The following SETD3 variants were observed in gnomAD, a reference collection of about 807,000 sequenced individuals.
SETD3 encodes actin-histidine N-methyltransferase.
SETD3 carries 19 observed loss-of-function variants against 63.0 expected under a neutral mutation model. The observed-to-expected ratio is 0.30, with a 90% CI of 0.21 to 0.44. The LOEUF (loss-of-function observed/expected upper bound fraction) is 0.44, where lower values mean the gene tolerates loss of function less well. Among genes scored for constraint, SETD3 ranks in the 20% least tolerant of loss-of-function variants. The pLI is 1.00. For missense variants in SETD3, 587 were observed against 728.5 expected (o/e 0.81, Z 2.24); for synonymous variants, 286 against 264.1 (o/e 1.08, Z -0.80).
At chr14:99,419,746 G>T (rs1428108196) in intron 6 of SETD3, among the ~76,000 whole-genome samples, 1 of 149,256 alleles carries the variant, frequency 6.7e-6, no homozygotes. Flanking sequence ...CTGCACTCCA[G>T]CCTGGGCGAC....
intron 1 of SETD3, among the ~76,000 whole-genome samples, chr14:99,471,732 T>C (rs1044416481): frequency 1.3e-5 from 2 of 152,196 alleles, no homozygotes; most frequent in Non-Finnish European, 2.9e-5. Flanking sequence ...TAAGAGAGAC[T>C]CTGAAAAACA....
chr14:99,442,142 C>T (rs1893858716), intron 6 of SETD3, among the ~76,000 whole-genome samples: 1 of 152,158 alleles, frequency 6.6e-6, no homozygotes, highest in Non-Finnish European at 1.5e-5. Flanking sequence ...TCAATCAGCC[C>T]CAACCTAGCC....
chr14:99,418,476 T>C, intron 6 of SETD3, among the ~76,000 whole-genome samples: 1 of 152,160 alleles, frequency 6.6e-6, no homozygotes, highest in Non-Finnish European at 1.5e-5. Context: ...ACTCTCACAT[T>C]TGGCCTTTTA....
rs1462238401 is a variant in SETD3 at position 99,438,402 on chromosome 14, GTAGAT to G, written c.675+19872_675+19876del. ...ACTGAAAGCTCGGATGCAAAGCATA[GTAGAT>G]TACCTGTGGTGTGTCTCTGGTTTAG... On this transcript the variant is annotated intron_variant, in intron 6 of 12. Transcript: ENST00000331768. Among the ~76,000 whole-genome samples the G allele has an allele frequency of 2.0e-4, 30 of 152,348 alleles. No individual in the cohort carries two copies. The East Asian group carries it at 5.6e-3, about 28-fold the overall frequency.
chr14:99,442,947 C>G (rs1035918766), intron 6 of SETD3, among the ~76,000 whole-genome samples: 1 of 152,144 alleles, frequency 6.6e-6, no homozygotes, highest in Non-Finnish European at 1.5e-5. Flanking sequence ...AGAACGACCA[C>G]CAACCACACA....
At chr14:99,457,663 G>A (rs1247956883) in intron 6 of SETD3, among the ~76,000 whole-genome samples, 2 of 152,202 alleles carry the variant, frequency 1.3e-5, no homozygotes, top group Non-Finnish European at 2.9e-5. Context: ...AGTCCTGGTG[G>A]GGACTGTGGT....
chr14:99,444,047 G>C (rs1487211810), intron 6 of SETD3, among the ~76,000 whole-genome samples: 1 of 152,070 alleles, frequency 6.6e-6, no homozygotes, highest in Non-Finnish European at 1.5e-5. Context: ...CTTTCTACAG[G>C]GAACCTAAGA....
At chr14:99,474,684 G>A (rs1308889460) in intron 1 of SETD3, among the ~76,000 whole-genome samples, 1 of 152,186 alleles carries the variant, frequency 6.6e-6, no homozygotes, top group Non-Finnish European at 1.5e-5. Flanking sequence ...GGCCAACACA[G>A]TGAAACCCTG....
At chr14:99,463,934 C>G (rs1895221053) in intron 2 of SETD3, among the ~76,000 whole-genome samples, 2 of 152,134 alleles carry the variant, frequency 1.3e-5, no homozygotes, top group South Asian at 4.1e-4. Context: ...AACTATCCCC[C>G]CAAAACTCTT....
At chr14:99,443,255 A>ATTTTT (rs996583091) in intron 6 of SETD3, among the ~76,000 whole-genome samples, 25 of 108,746 alleles carry the variant, frequency 2.3e-4, no homozygotes, top group Middle Eastern at 6.3e-3. Context: ...CTGAACTCCC[A>ATTTTT]TTTTTTTTTT....
At chr14:99,424,835 G>C (rs1405171938) in intron 6 of SETD3, among the ~76,000 whole-genome samples, 1 of 152,172 alleles carries the variant, frequency 6.6e-6, no homozygotes, top group Non-Finnish European at 1.5e-5. Flanking sequence ...CCAGGGAAGT[G>C]AGAGAGAAGC....
At chr14:99,472,258 A>G (rs991920353) in intron 1 of SETD3, among the ~76,000 whole-genome samples, 1 of 152,260 alleles carries the variant, frequency 6.6e-6, no homozygotes, top group African/African-American at 2.4e-5. Flanking sequence ...AGGGCAAGAA[A>G]TAAAGTACAA....
At chr14:99,476,178 T>C (rs1173539234) in intron 1 of SETD3, among the ~76,000 whole-genome samples, 1 of 152,244 alleles carries the variant, frequency 6.6e-6, no homozygotes, top group Non-Finnish European at 1.5e-5. Context: ...GATTAATTTA[T>C]GCAAAATGAT....
intron 2 of SETD3, among the ~76,000 whole-genome samples, chr14:99,465,359 G>A (rs537847713): frequency 2.3e-4 from 35 of 152,264 alleles, no homozygotes; most frequent in African/African-American, 7.9e-4. Flanking sequence ...ACTGAGTTTC[G>A]GAAGGGTTCA....
intron 6 of SETD3, among the ~76,000 whole-genome samples, chr14:99,452,200 G>T (rs545399311): frequency 6.6e-6 from 1 of 152,110 alleles, no homozygotes; most frequent in Non-Finnish European, 1.5e-5. Flanking sequence ...TCTGCCTCCC[G>T]GGTTCAAGCA....
At chr14:99,479,419 T>C (rs1896143660) in intron 1 of SETD3, among the ~76,000 whole-genome samples, 1 of 152,178 alleles carries the variant, frequency 6.6e-6, no homozygotes, top group African/African-American at 2.4e-5. Context: ...ATAAACACAG[T>C]ACATACAGCA....
intron 1 of SETD3, among the ~76,000 whole-genome samples, chr14:99,472,978 A>G (rs1408554877): frequency 1.3e-5 from 2 of 152,242 alleles, no homozygotes; most frequent in Non-Finnish European, 2.9e-5. Flanking sequence ...AGTTTCACAC[A>G]TATCTACATT....
intron 1 of SETD3, among the ~76,000 whole-genome samples, chr14:99,477,276 G>C (rs1447856398): frequency 6.6e-6 from 1 of 152,048 alleles, no homozygotes; most frequent in East Asian, 1.9e-4. Flanking sequence ...TATCTCAGTC[G>C]AAACTGTTCA....
intron 6 of SETD3, among the ~76,000 whole-genome samples, chr14:99,416,577 G>C (rs964219816): frequency 3.3e-5 from 5 of 152,138 alleles, no homozygotes; most frequent in Admixed American, 1.3e-4. Flanking sequence ...ACACACATGG[G>C]ATGGGTGAGG....
Sources: gnomAD v4.1 joint callset for allele counts (sites outside exome capture counted in the v4.1 genomes callset) on GRCh38, gnomAD v4.1.1 for gene constraint, MANE v1.5 for transcripts, NCBI Gene and HGNC (gene_info 2026-07-23, HGNC 2026-07-21) for gene names.